Variants in MAF observed in about 807,000 individuals in gnomAD.
MAF encodes the protein MAF bZIP transcription factor, also known as transcription factor Maf.
A neutral mutation model predicts 22.0 loss-of-function variants in MAF; 10 were observed. That is an observed-to-expected ratio of 0.45 (90% confidence interval 0.28 to 0.77). MAF has a LOEUF of 0.77. MAF is among the 30% of genes least tolerant of loss of function. The pLI is 0.12. For missense variants in MAF, 544 were observed against 548.4 expected (o/e 0.99, Z 0.08); for synonymous variants, 337 against 255.8 (o/e 1.32, Z -3.03).
the MAF span, among the ~76,000 whole-genome samples, chr16:79,457,337 A>G: frequency 2.0e-5 from 3 of 151,974 alleles, no homozygotes; most frequent in Non-Finnish European, 4.4e-5. Context: ...GGGAGATGTA[A>G]AACAGCAGCA....
the MAF span, among the ~76,000 whole-genome samples, chr16:79,340,222 G>A: frequency 6.6e-6 from 1 of 152,038 alleles, no homozygotes; most frequent in African/African-American, 2.4e-5. Context: ...GTGTTAAGCA[G>A]AGATAACAGG....
chr16:79,393,210 G>C, the MAF span, among the ~76,000 whole-genome samples: 1 of 152,196 alleles, frequency 6.6e-6, no homozygotes, highest in Non-Finnish European at 1.5e-5. Context: ...GCCTGAGTTT[G>C]CAGATGGGAA....
At chr16:79,420,708 G>A in the MAF span, among the ~76,000 whole-genome samples, 3 of 152,174 alleles carry the variant, frequency 2.0e-5, no homozygotes, top group African/African-American at 4.8e-5. Context: ...GTGAACCGCG[G>A]CCCACAAATA....
the MAF span, among the ~76,000 whole-genome samples, chr16:79,504,276 G>T: frequency 6.6e-6 from 1 of 152,206 alleles, no homozygotes. Context: ...CTCCCCTTTT[G>T]TCCCTTATAG....
chr16:79,599,908 T>TGCCGCCGCC lies in MAF; in HGVS notation c.-15_-7dup. On this transcript the variant is annotated 5_prime_UTR_variant, in exon 1 of 2. Coordinates refer to ENST00000326043, the MANE Select transcript of MAF (RefSeq NM_005360.5). ...ATTGCCAGTTCTGATGCCATTCTCC[T>TGCCGCCGCC]GCCGCCGCCGCCGCCGCCGCCGCCG... 3.2e-6 allele frequency: 5 copies of TGCCGCCGCC among 1,554,340 alleles called. No homozygotes were observed. Among genetic ancestry groups the TGCCGCCGCC allele is most frequent in the South Asian group, 1.1e-5 (1 of 89,312 alleles).
chr16:79,544,310 C>T, the MAF span, among the ~76,000 whole-genome samples: 11 of 152,258 alleles, frequency 7.2e-5, no homozygotes, highest in Non-Finnish European at 1.3e-4. Context: ...TTCAAGTGCT[C>T]GGTCATCACA....
the MAF span, among the ~76,000 whole-genome samples, chr16:79,249,418 CAA>C: frequency 0.049 from 4,995 of 102,476 alleles, 120 homozygotes; most frequent in Admixed American, 0.074. Flanking sequence ...AACTCCGTTT[CAA>C]AAAAAAAAAA....
the MAF span, among the ~76,000 whole-genome samples, chr16:79,366,738 G>A: frequency 1.3e-5 from 2 of 152,340 alleles, no homozygotes; most frequent in South Asian, 4.1e-4. Flanking sequence ...GTTCTGAAGT[G>A]AGAAACGTAT....
At chr16:79,418,885 C>T in the MAF span, among the ~76,000 whole-genome samples, 1 of 152,192 alleles carries the variant, frequency 6.6e-6, no homozygotes, top group Non-Finnish European at 1.5e-5. Flanking sequence ...CAAACTCCGT[C>T]TCCTGCTCCT....
At chr16:79,459,142 G>T in the MAF span, among the ~76,000 whole-genome samples, 4 of 152,078 alleles carry the variant, frequency 2.6e-5, no homozygotes, top group African/African-American at 7.2e-5. Flanking sequence ...AGAAGACAAG[G>T]AGCAGTTGAT....
chr16:79,332,426 G>A, the MAF span, among the ~76,000 whole-genome samples: 10 of 151,992 alleles, frequency 6.6e-5, no homozygotes, highest in African/African-American at 1.9e-4. Context: ...TCAGCCTCCC[G>A]AGTAGCTGGG....
At chr16:79,366,756 G>A in the MAF span, among the ~76,000 whole-genome samples, 1 of 152,216 alleles carries the variant, frequency 6.6e-6, no homozygotes, top group African/African-American at 2.4e-5. Context: ...TATGGTGCTA[G>A]AGACCTCTGC....
chr16:79,392,580 G>A, the MAF span, among the ~76,000 whole-genome samples: 1 of 151,938 alleles, frequency 6.6e-6, no homozygotes, highest in Non-Finnish European at 1.5e-5. Context: ...ATAGGCCACG[G>A]CTTTCCTATA....
At chr16:79,414,259 C>T in the MAF span, among the ~76,000 whole-genome samples, 13 of 152,156 alleles carry the variant, frequency 8.5e-5, no homozygotes, top group Non-Finnish European at 7.4e-5. Context: ...ATTTATTTGG[C>T]TTACAGTTCT....
the MAF span, among the ~76,000 whole-genome samples, chr16:79,512,725 A>C: frequency 4.7e-3 from 713 of 152,324 alleles, 3 homozygotes; most frequent in African/African-American, 0.016. Flanking sequence ...ATAAAGTAAC[A>C]GATGTGCGTG....
At chr16:79,539,840 G>A in the MAF span, among the ~76,000 whole-genome samples, 17 of 152,292 alleles carry the variant, frequency 1.1e-4, no homozygotes, top group African/African-American at 3.8e-4. Flanking sequence ...TGAGGCATGT[G>A]TGCATTGAAA....
At chr16:79,495,434 G>C in the MAF span, among the ~76,000 whole-genome samples, 1 of 152,174 alleles carries the variant, frequency 6.6e-6, no homozygotes, top group Non-Finnish European at 1.5e-5. Flanking sequence ...CCACACTCCA[G>C]ACTAGGTGAC....
At chr16:79,531,907 A>G in the MAF span, among the ~76,000 whole-genome samples, 9 of 152,042 alleles carry the variant, frequency 5.9e-5, no homozygotes, top group African/African-American at 2.2e-4. Flanking sequence ...GTCCTATCCT[A>G]TTAACTGTGC....
chr16:79,558,234 T>C, the MAF span, among the ~76,000 whole-genome samples: 1 of 152,046 alleles, frequency 6.6e-6, no homozygotes, highest in Non-Finnish European at 1.5e-5. Flanking sequence ...ATGTGTGCAT[T>C]TATACTTGAG....
Sources: gnomAD v4.1 joint callset for allele counts (sites outside exome capture counted in the v4.1 genomes callset) on GRCh38, gnomAD v4.1.1 for gene constraint, MANE v1.5 for transcripts, NCBI Gene and HGNC (gene_info 2026-07-23, HGNC 2026-07-21) for gene names.